ITPR1: variants seen among roughly 807,000 people sequenced by gnomAD.
ITPR1 encodes the protein inositol 1,4,5-trisphosphate-gated calcium channel ITPR1.
ITPR1 carries 96 observed loss-of-function variants against 318.4 expected under a neutral mutation model. The observed-to-expected ratio is 0.30, with a 90% CI of 0.26 to 0.36. The LOEUF (loss-of-function observed/expected upper bound fraction) is 0.36. Among genes scored for constraint, ITPR1 ranks in the 10% least tolerant of loss-of-function variants. The pLI is 1.00. For missense variants in ITPR1, 2,440 were observed against 3,460.2 expected (o/e 0.71, Z 7.40); for synonymous variants, 1,312 against 1,289.9 (o/e 1.02, Z -0.37).
At chr3:4,794,169 G>GAGCATCACCCTAAGTGTAAAGC (rs1482181268) in intron 52 of ITPR1, among the ~76,000 whole-genome samples, 1 of 152,110 alleles carries the variant, frequency 6.6e-6, no homozygotes, top group East Asian at 1.9e-4. Context: ...GTCTATTTTG[G>GAGCATCACCCTAAGTGTAAAGC]AGCATCACCC....
chr3:4,631,423 A>G, intron 5 of ITPR1, among the ~76,000 whole-genome samples: 1 of 152,226 alleles, frequency 6.6e-6, no homozygotes, highest in East Asian at 1.9e-4. Flanking sequence ...ACTATTCCCC[A>G]TTTTATTGTA....
intron 51 of ITPR1, among the ~76,000 whole-genome samples, chr3:4,784,337 G>A (rs1300809526): frequency 2.0e-5 from 3 of 152,134 alleles, no homozygotes; most frequent in Non-Finnish European, 4.4e-5. Context: ...GCAAGCGAAA[G>A]CCCAGACGTG....
intron 11 of ITPR1, 94 bp from the exon 12 acceptor site, chr3:4,653,748 G>A (rs2093646113): frequency 1.2e-6 from 1 of 818,684 alleles, no homozygotes; most frequent in Admixed American, 2.1e-5. Context: ...AGCTGTTCAA[G>A]GATGTTTGCA....
chr3:4,815,306 T>A, intron 59 of ITPR1, 88 bp downstream of exon 59: 1 of 1,325,658 alleles, frequency 7.5e-7, no homozygotes, highest in Non-Finnish European at 1.1e-6. Flanking sequence ...ATGGGCGGGG[T>A]GCCTGCCCAG....
At position 4,495,500 on chromosome 3, in the gene ITPR1, C is replaced by T. The variant is rs368086670; in HGVS notation, c.-17+994C>T. Among the ~76,000 whole-genome samples the T allele has an allele frequency of 1.2e-4, 19 of 152,296 alleles. No individual in the cohort carries two copies. In the East Asian group the frequency reaches 2.1e-3, roughly 17 times the overall value. ...CATTTGGATGTGAGAACTCTAGTTT[C>T]TTCTTGGAGTTCTGTTGACTCACAT... On this transcript the variant is annotated intron_variant, in intron 2 of 61. Coordinates refer to ENST00000649015, the MANE Select transcript of ITPR1 (RefSeq NM_001378452.1).
At chr3:4,634,828 T>A (rs1475965066) in intron 5 of ITPR1, among the ~76,000 whole-genome samples, 1 of 152,212 alleles carries the variant, frequency 6.6e-6, no homozygotes, top group Non-Finnish European at 1.5e-5. Flanking sequence ...AACCTCCACC[T>A]CCTGGGTTCA....
chr3:4,673,534 T>G (rs879074177), intron 21 of ITPR1, 147 bp downstream of exon 21: 1 of 904,860 alleles, frequency 1.1e-6, no homozygotes, highest in Non-Finnish European at 1.6e-6. Flanking sequence ...GCAAATATTT[T>G]TTTCCTCAAG....
intron 61 of ITPR1, among the ~76,000 whole-genome samples, chr3:4,842,157 T>C (rs1043378103): frequency 9.9e-5 from 15 of 152,268 alleles, no homozygotes; most frequent in Non-Finnish European, 1.3e-4. Flanking sequence ...ATTTCTACTG[T>C]ATGCCTCGTG....
chr3:4,610,933 TC>T (rs199902038), intron 4 of ITPR1, among the ~76,000 whole-genome samples: 6 of 50,712 alleles, frequency 1.2e-4, no homozygotes, highest in Admixed American at 2.3e-4. Flanking sequence ...TCCCTTCCCT[TC>T]CCCTTCCTCT....
intron 52 of ITPR1, among the ~76,000 whole-genome samples, chr3:4,792,715 G>GA (rs1216746823): frequency 6.6e-5 from 10 of 152,110 alleles, no homozygotes; most frequent in Non-Finnish European, 1.3e-4. Flanking sequence ...GGGAGAGAGA[G>GA]GGGAGGAGAA....
intron 50 of ITPR1, among the ~76,000 whole-genome samples, chr3:4,783,031 G>A (rs934986763): frequency 6.6e-6 from 1 of 152,214 alleles, no homozygotes; most frequent in Non-Finnish European, 1.5e-5. Context: ...TCTGTCTGGA[G>A]ACAGTTGAAA....
At chr3:4,503,651 C>G (rs1159141002) in intron 2 of ITPR1, among the ~76,000 whole-genome samples, 2 of 151,968 alleles carry the variant, frequency 1.3e-5, no homozygotes, top group East Asian at 3.9e-4. Context: ...GTGAACAGAT[C>G]CTATGGTGCA....
chr3:4,661,341 G>T (rs1024027721), intron 14 of ITPR1, among the ~76,000 whole-genome samples: 4 of 152,148 alleles, frequency 2.6e-5, no homozygotes, highest in Non-Finnish European at 1.5e-5. Flanking sequence ...CAATTTTCTG[G>T]ATTTCAACTG....
At chr3:4,708,419 G>A (rs568423648) in intron 37 of ITPR1, among the ~76,000 whole-genome samples, 4 of 152,218 alleles carry the variant, frequency 2.6e-5, no homozygotes, top group South Asian at 4.2e-4. Context: ...GGAGGCTGGC[G>A]GGATTTCTCG....
chr3:4,753,108 T>C (rs1181430469), intron 44 of ITPR1, among the ~76,000 whole-genome samples: 1 of 152,184 alleles, frequency 6.6e-6, no homozygotes, highest in Non-Finnish European at 1.5e-5. Context: ...GGCAAGAGTA[T>C]TTCAGAAGAG....
chr3:4,831,573 T>C (rs539126822), intron 60 of ITPR1, among the ~76,000 whole-genome samples: 6 of 150,724 alleles, frequency 4.0e-5, no homozygotes, highest in East Asian at 2.0e-4. Context: ...CAACCGCATA[T>C]ACACACACAC....
chr3:4,646,584 G>A (rs937676751), intron 10 of ITPR1, among the ~76,000 whole-genome samples: 10 of 152,170 alleles, frequency 6.6e-5, no homozygotes, highest in Admixed American at 5.9e-4. Flanking sequence ...TTATGGGCAG[G>A]GGAGAAATTT....
At chr3:4,812,226 T>C (rs1446645497) in intron 56 of ITPR1, among the ~76,000 whole-genome samples, 2 of 151,992 alleles carry the variant, frequency 1.3e-5, no homozygotes, top group Non-Finnish European at 2.9e-5. Context: ...TTTGTAGAGA[T>C]AGGTTCTTGC....
chr3:4,668,498 C>T (rs544312459), intron 18 of ITPR1, among the ~76,000 whole-genome samples: 2 of 151,664 alleles, frequency 1.3e-5, no homozygotes, highest in Admixed American at 6.6e-5. Flanking sequence ...GATGGAGTCT[C>T]GCTCTGTCAC....
Sources: gnomAD v4.1 joint callset for allele counts (sites outside exome capture counted in the v4.1 genomes callset) on GRCh38, gnomAD v4.1.1 for gene constraint, MANE v1.5 for transcripts, NCBI Gene and HGNC (gene_info 2026-07-23, HGNC 2026-07-21) for gene names.